DHRS3: variants seen among roughly 807,000 people sequenced by gnomAD.
The protein encoded by DHRS3 is dehydrogenase/reductase 3, also known as short-chain dehydrogenase/reductase 3.
Under a neutral mutation model 27.2 loss-of-function variants are expected in DHRS3, and 14 were observed. The observed-to-expected ratio is 0.52, with a 90% CI of 0.34 to 0.81. DHRS3 has a LOEUF of 0.81. DHRS3 is among the 30% of genes least tolerant of loss of function. The pLI, the probability that DHRS3 is intolerant of heterozygous loss-of-function variation, is 0.01. For synonymous variants in DHRS3, 165 were observed against 175.9 expected (o/e 0.94, Z 0.49); for missense variants, 322 against 406.2 (o/e 0.79, Z 1.78).
intron 1 of DHRS3, among the ~76,000 whole-genome samples, chr1:12,587,292 G>A (rs1465944153): frequency 6.6e-6 from 1 of 151,850 alleles, no homozygotes; most frequent in Non-Finnish European, 1.5e-5. Flanking sequence ...AGAGGTGCAA[G>A]CCACTACTCC....
Position 12,592,248 on chromosome 1 carries a change from G to T in DHRS3, c.196-11582C>A, listed in dbSNP as rs1294685001. Among the ~76,000 whole-genome samples, 1 of 152,174 alleles carries T rather than the reference G, an allele frequency of 6.6e-6. No individual in the cohort carries two copies. The highest frequency in any genetic ancestry group is 1.5e-5 in the Non-Finnish European group (1 of 68,036). On this transcript the variant is annotated intron_variant, in intron 1 of 5. Coordinates refer to ENST00000616661, the MANE Select transcript of DHRS3 (RefSeq NM_004753.7). The surrounding 1 kb of genome is among the most constrained non-coding windows in gnomAD (Gnocchi z 4.2). ...CTGCCCGGATGTGGTACAGTCGGCT[G>T]ATTAGTGTCCCCTGAGAAGCTGAGT...
At chr1:12,607,713 G>A (rs1428113763) in intron 1 of DHRS3, among the ~76,000 whole-genome samples, 2 of 152,208 alleles carry the variant, frequency 1.3e-5, no homozygotes, top group African/African-American at 2.4e-5. Flanking sequence ...AAAAAAGACT[G>A]TATTGACATG....
intron 1 of DHRS3, among the ~76,000 whole-genome samples, chr1:12,597,579 T>C (rs1646807305): frequency 6.6e-6 from 1 of 152,224 alleles, no homozygotes; most frequent in Non-Finnish European, 1.5e-5. Context: ...TTTGTCTATT[T>C]CTCCCATTCT....
Position 12,578,658 on chromosome 1 carries a change from GA to G in DHRS3, c.698+59del. 6.6e-7 allele frequency: 1 copy of G among 1,515,292 alleles called. No homozygotes were observed. The highest frequency in any genetic ancestry group is 9.1e-7 in the Non-Finnish European group (1 of 1,093,520). The allele number at this position is 1,515,292 out of a possible 1,614,324, so 93.9% of individuals were successfully genotyped here. ...GAGCTCTTTCTGCAGTTGGCTGACTGAATGGCTTGGGGAGGCAGGTGAGAAG... is the reference window on the plus strand; with the variant it reads ...GAGCTCTTTCTGCAGTTGGCTGACTGATGGCTTGGGGAGGCAGGTGAGAAG... On this transcript the variant is annotated intron_variant, in intron 4 of 5. Coordinates refer to ENST00000616661, the MANE Select transcript of DHRS3 (RefSeq NM_004753.7). This position sits in a 1 kb window ranked among gnomAD's most constrained non-coding sequence, Gnocchi z 4.5.
At position 12,578,450 on chromosome 1, in the gene DHRS3, G is replaced by C. The variant is rs2100656130; in HGVS notation, c.698+268C>G. On this transcript the variant is annotated intron_variant, in intron 4 of 5. Coordinates refer to ENST00000616661, the MANE Select transcript of DHRS3 (RefSeq NM_004753.7). This position sits in a 1 kb window ranked among gnomAD's most constrained non-coding sequence, Gnocchi z 4.5. ...CCACCTCAGCCTCCCAGATAGCTGG[G>C]AATACAGGTGTGCATCACCATGCCC... Among the ~76,000 whole-genome samples the C allele has an allele frequency of 6.6e-6, 1 of 152,302 alleles. No individual in the cohort carries two copies. Among genetic ancestry groups the C allele is most frequent in the South Asian group, 2.1e-4 (1 of 4,828 alleles).
intron 1 of DHRS3, among the ~76,000 whole-genome samples, chr1:12,599,464 C>A (rs189600705): frequency 6.6e-6 from 1 of 152,380 alleles, no homozygotes; most frequent in East Asian, 1.9e-4. Context: ...CTTCCGTCAC[C>A]TTCCAGTAAT....
At chr1:12,606,582 C>T (rs1289466860) in intron 1 of DHRS3, among the ~76,000 whole-genome samples, 5 of 152,000 alleles carry the variant, frequency 3.3e-5, no homozygotes, top group Non-Finnish European at 5.9e-5. Context: ...CTCCGCCTCC[C>T]GGGTTCAAGC....
Position 12,574,389 on chromosome 1 carries a change from A to T in DHRS3, c.699-1536T>A, listed in dbSNP as rs1244064843. On this transcript the variant is annotated intron_variant, in intron 4 of 5. Transcript: ENST00000616661. This position sits in a 1 kb window ranked among gnomAD's most constrained non-coding sequence, Gnocchi z 4.6. ...TTTTGCCATGTTGCCCAGGCTGGCA[A>T]CTCCTGGGCTGAAGTGATTCCCCTG... 6.6e-6 allele frequency among the ~76,000 whole-genome samples: 1 copy of T among 151,700 alleles called. No individual in the cohort carries two copies. Among genetic ancestry groups the T allele is most frequent in the Admixed American group, 6.6e-5 (1 of 15,232 alleles).
chr1:12,576,389 T>C (rs146855643), intron 4 of DHRS3, among the ~76,000 whole-genome samples: 6,488 of 151,902 alleles, frequency 0.043, 203 homozygotes, highest in East Asian at 0.17. Flanking sequence ...GGTGAAACCC[T>C]GTCTCTACCA....
At chr1:12,605,159 T>G (rs536808744) in intron 1 of DHRS3, among the ~76,000 whole-genome samples, 1 of 151,776 alleles carries the variant, frequency 6.6e-6, no homozygotes, top group African/African-American at 2.4e-5. Context: ...CCAAGTCACG[T>G]GTGTTACCAT....
intron 4 of DHRS3, among the ~76,000 whole-genome samples, chr1:12,576,480 T>C (rs930600157): frequency 6.6e-6 from 1 of 151,698 alleles, no homozygotes. Flanking sequence ...GAGAATGGCA[T>C]GAACCCGGGA....
rs1253700310 is a variant in DHRS3, at chr1:12,608,459, C to T, written c.195+8695G>A. Among the ~76,000 whole-genome samples, 1 of 152,164 alleles carries T rather than the reference C, an allele frequency of 6.6e-6. No homozygotes were observed. Among genetic ancestry groups the T allele is most frequent in the Non-Finnish European group, 1.5e-5 (1 of 68,026 alleles). ...CTGGAAAGCCTGGACAAAGGAATGA[C>T]ATCACTGCTGGAGGATCCTGCTGAA... On this transcript the variant is annotated intron_variant, in intron 1 of 5. Coordinates refer to ENST00000616661, the MANE Select transcript of DHRS3 (RefSeq NM_004753.7). This position sits in a 1 kb window ranked among gnomAD's most constrained non-coding sequence, Gnocchi z 4.1.
chr1:12,596,721 A>G (rs1646800453), intron 1 of DHRS3, among the ~76,000 whole-genome samples: 1 of 152,126 alleles, frequency 6.6e-6, no homozygotes, highest in Non-Finnish European at 1.5e-5. Flanking sequence ...GAGCTTCACC[A>G]TCTCCATCTG....
intron 1 of DHRS3, 22 bp from the exon 2 acceptor site, chr1:12,580,688 G>T (rs969211073): frequency 1.9e-6 from 3 of 1,603,124 alleles, no homozygotes; most frequent in Non-Finnish European, 2.6e-6. Context: ...TAATAACAAC[G>T]CAGAACAAAT....
At position 12,608,136 on chromosome 1, in the gene DHRS3, C is replaced by T. The variant is rs1646883391; in HGVS notation, c.195+9018G>A. ...AAGTGATCTGCCCGCCTCGGCCTCC[C>T]ACAGTGCTGGGAATACAGGAGTGAG... On this transcript the variant is annotated intron_variant, in intron 1 of 5. Transcript: ENST00000616661. This position sits in a 1 kb window ranked among gnomAD's most constrained non-coding sequence, Gnocchi z 4.1. Among the ~76,000 whole-genome samples, 1 of 152,220 alleles carries T rather than the reference C, an allele frequency of 6.6e-6. No homozygotes were observed. The highest frequency in any genetic ancestry group is 2.1e-4 in the South Asian group (1 of 4,830).
At chr1:12,589,728 A>T (rs1446072605) in intron 1 of DHRS3, among the ~76,000 whole-genome samples, 1 of 152,208 alleles carries the variant, frequency 6.6e-6, no homozygotes. Context: ...TCACGCCTAT[A>T]TTCCCAGCAC....
intron 1 of DHRS3, among the ~76,000 whole-genome samples, chr1:12,588,154 T>C (rs1646713731): frequency 6.6e-6 from 1 of 152,228 alleles, no homozygotes. Context: ...ATGCCAGGGC[T>C]ACTTATGGAC....
At chr1:12,605,668 G>C (rs1570398032) in intron 1 of DHRS3, among the ~76,000 whole-genome samples, 4 of 152,256 alleles carry the variant, frequency 2.6e-5, no homozygotes, top group Admixed American at 6.5e-5. Flanking sequence ...ATGGGATCTA[G>C]TTTGAGGCAC....
intron 1 of DHRS3, among the ~76,000 whole-genome samples, chr1:12,598,563 A>G (rs1035154452): frequency 6.6e-6 from 1 of 152,216 alleles, no homozygotes; most frequent in Non-Finnish European, 1.5e-5. Flanking sequence ...TGGAACCATC[A>G]TGAGGCTAGT....
Sources: allele counts gnomAD v4.1 joint callset (sites outside exome capture counted in the v4.1 genomes callset), GRCh38; gene constraint gnomAD v4.1.1; non-coding constraint Gnocchi (gnomAD v3.1); transcripts MANE v1.5; gene names NCBI Gene and HGNC (gene_info 2026-07-23, HGNC 2026-07-21).